HLF: variants seen among roughly 807,000 people sequenced by gnomAD.
HLF encodes HLF transcription factor, PAR bZIP family member.
In HLF, 3 loss-of-function variants were observed where a neutral mutation model predicts 22.6. The ratio of observed to expected loss-of-function variants is 0.13; its 90% confidence interval spans 0.06 to 0.34. The LOEUF (loss-of-function observed/expected upper bound fraction) is 0.34. Ranked by LOEUF, HLF falls within the 10% of genes least tolerant of loss-of-function variation. The pLI is 1.00. For missense variants in HLF, 299 were observed against 389.2 expected (o/e 0.77, Z 1.95); for synonymous variants, 151 against 151.8 (o/e 0.99, Z 0.04).
At chr17:55,275,236 C>T (rs1431321982) in intron 2 of HLF, among the ~76,000 whole-genome samples, 2 of 152,146 alleles carry the variant, frequency 1.3e-5, no homozygotes, top group African/African-American at 2.4e-5. Context: ...GCTGGGACTA[C>T]AGGCATGCAC....
intron 2 of HLF, among the ~76,000 whole-genome samples, chr17:55,287,273 A>G (rs539157644): frequency 6.6e-6 from 1 of 152,218 alleles, no homozygotes; most frequent in Non-Finnish European, 1.5e-5. Context: ...TCCCCTTGTA[A>G]ATAAGACCAG....
chr17:55,268,351 A>G (rs1423800102), intron 2 of HLF, among the ~76,000 whole-genome samples: 1 of 152,208 alleles, frequency 6.6e-6, no homozygotes, highest in African/African-American at 2.4e-5. Flanking sequence ...GCCCAGGAAT[A>G]TGCATTTTAA....
In HLF at chr17:55,321,784, G is replaced by C. The variant is rs1905270589; in HGVS notation, c.*905G>C. On this transcript the variant is annotated 3_prime_UTR_variant, in exon 4 of 4. Transcript: ENST00000226067. ...AGGGAAATGGGAGGTCTAAGGATGA[G>C]GGGTTAATTTATCAGTACATGAGCC... is the stretch of plus-strand genomic sequence containing the variant. The C allele has an allele frequency of 8.6e-6, 2 of 231,602 alleles. No individual in the cohort carries two copies. The highest frequency in any genetic ancestry group is 5.6e-5 in the Admixed American group (1 of 17,710). The allele number at this position is 231,602 out of a possible 1,614,324, so 14.3% of individuals were successfully genotyped here. A position where few individuals can be genotyped will look rare whatever the true frequency, so the allele number is the denominator to read the frequency against.
intron 2 of HLF, among the ~76,000 whole-genome samples, chr17:55,277,274 T>C (rs7222811): frequency 0.15 from 17,261 of 113,574 alleles, 2,273 homozygotes; most frequent in African/African-American, 0.38. Flanking sequence ...TGTGTGTGTG[T>C]GCGCGCGCAT....
At chr17:55,274,313 GA>G (rs1190230501) in intron 2 of HLF, among the ~76,000 whole-genome samples, 2 of 152,088 alleles carry the variant, frequency 1.3e-5, no homozygotes, top group African/African-American at 2.4e-5. Flanking sequence ...GTAATAAGAT[GA>G]AAAAAAGTAG....
chr17:55,291,497 G>A (rs1032532370), intron 2 of HLF, among the ~76,000 whole-genome samples: 30 of 152,158 alleles, frequency 2.0e-4, no homozygotes, highest in Admixed American at 6.5e-5. Context: ...TGAATATTTT[G>A]AGCCCACTGT....
intron 3 of HLF, among the ~76,000 whole-genome samples, chr17:55,315,731 A>T (rs1225324411): frequency 6.6e-6 from 1 of 152,208 alleles, no homozygotes; most frequent in Non-Finnish European, 1.5e-5. Context: ...TCTGCATGGA[A>T]ACCCACAAAA....
intron 2 of HLF, among the ~76,000 whole-genome samples, chr17:55,314,349 C>T (rs1400303486): frequency 6.6e-6 from 1 of 152,214 alleles, no homozygotes; most frequent in East Asian, 1.9e-4. Flanking sequence ...CTCCTTCTCA[C>T]TATCTCCATT....
intron 2 of HLF, among the ~76,000 whole-genome samples, chr17:55,291,885 T>C (rs1293941899): frequency 6.6e-6 from 1 of 152,226 alleles, no homozygotes; most frequent in Admixed American, 6.5e-5. Flanking sequence ...GCAACCCTTA[T>C]AGTGGATGAC....
intron 2 of HLF, among the ~76,000 whole-genome samples, chr17:55,304,609 T>C (rs771256573): frequency 5.3e-5 from 8 of 152,194 alleles, no homozygotes; most frequent in Non-Finnish European, 8.8e-5. Context: ...CTGGGCCACT[T>C]TGAGTACTGA....
intron 3 of HLF, among the ~76,000 whole-genome samples, chr17:55,318,173 G>A (rs1367619198): frequency 6.6e-6 from 1 of 152,108 alleles, no homozygotes; most frequent in Non-Finnish European, 1.5e-5. Context: ...AGAGGGAAAG[G>A]GGGCAGAGGA....
intron 2 of HLF, among the ~76,000 whole-genome samples, chr17:55,307,147 CTTTTT>C (rs35828509): frequency 2.9e-5 from 2 of 70,164 alleles, no homozygotes; most frequent in African/African-American, 6.2e-5. Context: ...TCTCAGCGGC[CTTTTT>C]TTTTTTTTTT....
intron 2 of HLF, chr17:55,289,098 T>A: frequency 5.1e-6 from 1 of 194,228 alleles, no homozygotes; most frequent in African/African-American, 2.4e-5. Flanking sequence ...GGAGAATGCC[T>A]CTTCTCTCCA....
chr17:55,269,346 G>A (rs1266381008), intron 2 of HLF, among the ~76,000 whole-genome samples: 1 of 152,186 alleles, frequency 6.6e-6, no homozygotes, highest in East Asian at 1.9e-4. Context: ...GGCTGTGGGA[G>A]CTTGGGAAAA....
intron 2 of HLF, among the ~76,000 whole-genome samples, chr17:55,288,062 A>G (rs775232910): frequency 6.6e-6 from 1 of 152,208 alleles, no homozygotes; most frequent in Non-Finnish European, 1.5e-5. Flanking sequence ...GAGGAGGCGA[A>G]GTGCAGATAT....
chr17:55,313,815 T>G (rs1208060149), intron 2 of HLF, among the ~76,000 whole-genome samples: 1 of 152,028 alleles, frequency 6.6e-6, no homozygotes, highest in Non-Finnish European at 1.5e-5. Flanking sequence ...CTCTTCCTCT[T>G]TGGCAAGCAG....
intron 3 of HLF, among the ~76,000 whole-genome samples, chr17:55,317,257 G>A (rs903280197): frequency 2.0e-5 from 3 of 152,016 alleles, no homozygotes; most frequent in Non-Finnish European, 2.9e-5. Flanking sequence ...GTAAGCCACC[G>A]CGCCCGGCCT....
intron 2 of HLF, among the ~76,000 whole-genome samples, chr17:55,312,259 C>A (rs893697965): frequency 1.3e-5 from 2 of 152,194 alleles, no homozygotes; most frequent in African/African-American, 4.8e-5. Context: ...TCCACAGGGG[C>A]TGAACTAATT....
chr17:55,289,446 T>C (rs1445483454), intron 2 of HLF, among the ~76,000 whole-genome samples: 3 of 152,178 alleles, frequency 2.0e-5, no homozygotes, highest in Non-Finnish European at 4.4e-5. Context: ...CAGAGTTGCT[T>C]GAGCCTCCTC....
Sources: gnomAD v4.1 joint callset for allele counts (sites outside exome capture counted in the v4.1 genomes callset) on GRCh38, gnomAD v4.1.1 for gene constraint, MANE v1.5 for transcripts, NCBI Gene and HGNC (gene_info 2026-07-23, HGNC 2026-07-21) for gene names.